Variants in IP6K1 observed in about 807,000 individuals in gnomAD.
IP6K1 encodes the protein ATP:1D-myo-inositol-hexakisphosphate phosphotransferase.
A neutral mutation model predicts 38.3 loss-of-function variants in IP6K1; 13 were observed. The ratio of observed to expected loss-of-function variants is 0.34; its 90% CI spans 0.22 to 0.54. The LOEUF (loss-of-function observed/expected upper bound fraction) is 0.54, where lower values mean the gene tolerates loss of function less well. Among genes scored for constraint, IP6K1 ranks in the 20% least tolerant of loss-of-function variants. The pLI, the probability that IP6K1 is intolerant of heterozygous loss-of-function variation, is 0.92. For missense variants in IP6K1, 397 were observed against 599.8 expected, an observed-to-expected ratio of 0.66 and a Z score of 3.53; for synonymous variants, 212 against 229.9, an observed-to-expected ratio of 0.92 and a Z score of 0.70.
At chr3:49,735,572 T>G (rs1261950574) in intron 3 of IP6K1, among the ~76,000 whole-genome samples, 1 of 152,202 alleles carries the variant, frequency 6.6e-6, no homozygotes, top group African/African-American at 2.4e-5. Flanking sequence ...AAAGAACGTT[T>G]GACATTTGAA....
At chr3:49,778,783 G>A (rs563877912) in intron 1 of IP6K1, among the ~76,000 whole-genome samples, 13 of 152,096 alleles carry the variant, frequency 8.5e-5, no homozygotes, top group African/African-American at 3.1e-4. Context: ...GCACCACCAC[G>A]CCTGGCTAAT....
rs200151093 is a variant in IP6K1, at chr3:49,733,020, C to T, written c.435-48G>A. Reference sequence around the variant, plus strand: ...TCACTAAGAAACTCAGGCAAGTCATCCTCTGGGGTCCCGCTGCACAGGGCA... The same window carrying T: ...TCACTAAGAAACTCAGGCAAGTCATTCTCTGGGGTCCCGCTGCACAGGGCA... On this transcript the variant is annotated intron_variant, in intron 3 of 5. Coordinates refer to ENST00000321599, the MANE Select transcript of IP6K1 (RefSeq NM_153273.4). 1.6e-4 allele frequency: 230 copies of T among 1,438,042 alleles called. 2 individuals carry two copies. The South Asian group carries it at 2.6e-3, about 16-fold the overall frequency. 89.1% of individuals were successfully genotyped at this position (1,438,042 alleles called of 1,614,324 possible). A position where few individuals can be genotyped will look rare whatever the true frequency, so the allele number is the denominator to read the frequency against.
chr3:49,780,441 G>T (rs2081055755), intron 1 of IP6K1, among the ~76,000 whole-genome samples: 1 of 151,968 alleles, frequency 6.6e-6, no homozygotes, highest in Non-Finnish European at 1.5e-5. Context: ...CACAGATCCA[G>T]AGCCACAAAG....
chr3:49,781,918 T>C (rs2081069040), intron 1 of IP6K1, among the ~76,000 whole-genome samples: 1 of 150,994 alleles, frequency 6.6e-6, no homozygotes, highest in Non-Finnish European at 1.5e-5. Flanking sequence ...ATCATGTCCA[T>C]TAAAAAAAAA....
chr3:49,761,443 T>A (rs1323381098), intron 1 of IP6K1, among the ~76,000 whole-genome samples: 1 of 151,798 alleles, frequency 6.6e-6, no homozygotes, highest in East Asian at 1.9e-4. Flanking sequence ...TGAAACCCCA[T>A]CTCTACTAAA....
chr3:49,728,482 A>G (rs1301305967), intron 4 of IP6K1: 1 of 560,340 alleles, frequency 1.8e-6, no homozygotes. Flanking sequence ...TACTTCAGCC[A>G]TTTTTAAGTG....
chr3:49,780,918 G>A (rs902309946), intron 1 of IP6K1, among the ~76,000 whole-genome samples: 1 of 151,948 alleles, frequency 6.6e-6, no homozygotes. Flanking sequence ...AATTACAAAA[G>A]GTGTTTCCAA....
rs561760872 is a variant in IP6K1, at chr3:49,748,413, C to T, written c.-128-245G>A. Among the ~76,000 whole-genome samples, 9 of 152,294 alleles carry T rather than the reference C, an allele frequency of 5.9e-5. No homozygotes were observed. The South Asian group carries it at 1.4e-3, about 25-fold the overall frequency. On this transcript the variant is annotated intron_variant, in intron 1 of 5. Transcript: ENST00000321599. The stretch of plus-strand genomic sequence containing the variant: ...TCTCTGCCTTTCCTAGTTCCCACCT[C>T]CCTTCTGAGTTATCTAAAGGATTTT...
chr3:49,775,732 G>A (rs1559715920), intron 1 of IP6K1: 2 of 371,472 alleles, frequency 5.4e-6, no homozygotes, highest in Non-Finnish European at 4.9e-6. Context: ...GTGCCTGCTA[G>A]TGTCCTGGCA....
At chr3:49,750,470 G>A (rs888889294) in intron 1 of IP6K1, among the ~76,000 whole-genome samples, 9 of 152,184 alleles carry the variant, frequency 5.9e-5, no homozygotes, top group African/African-American at 2.2e-4. Context: ...CGAGGCGGAC[G>A]GATCACCTGA....
rs988855723 is a variant in IP6K1 at position 49,747,691 on chromosome 3, A to C, written c.223+127T>G. 15 of 1,226,500 alleles carry C rather than the reference A, an allele frequency of 1.2e-5. No homozygotes were observed. In the African/African-American group the frequency reaches 2.3e-4, roughly 19 times the overall value. The allele number at this position is 1,226,500 out of a possible 1,614,324, so 76.0% of individuals were successfully genotyped here. On this transcript the variant is annotated intron_variant, in intron 2 of 5. Transcript: ENST00000321599. ...TTCAGCCTCTAATTTTATCTAACAA[A>C]GTGACTTCGTGCTTTGAGAAAAAAG...
intron 1 of IP6K1, among the ~76,000 whole-genome samples, chr3:49,759,681 AAAC>A (rs901678360): frequency 2.0e-4 from 30 of 152,228 alleles, no homozygotes; most frequent in Middle Eastern, 3.4e-3. Context: ...TAGGTGGACA[AAAC>A]AACAACAACA....
chr3:49,741,294 C>T (rs964530311), intron 2 of IP6K1, among the ~76,000 whole-genome samples: 5 of 152,218 alleles, frequency 3.3e-5, no homozygotes, highest in African/African-American at 1.2e-4. Flanking sequence ...GTTCCCATTT[C>T]TCCACATCCT....
At chr3:49,780,309 TACACACAC>T (rs71080553) in intron 1 of IP6K1, among the ~76,000 whole-genome samples, 4 of 117,542 alleles carry the variant, frequency 3.4e-5, no homozygotes, top group South Asian at 3.2e-4. Context: ...TCATCTTTCA[TACACACAC>T]ACACACACAC....
chr3:49,783,394 G>C (rs77941412), intron 1 of IP6K1, among the ~76,000 whole-genome samples: 1 of 150,892 alleles, frequency 6.6e-6, no homozygotes, highest in Non-Finnish European at 1.5e-5. Flanking sequence ...AAAAAAAAAA[G>C]CAGGGGCTTG....
At chr3:49,768,576 C>A (rs1006202092) in intron 1 of IP6K1, among the ~76,000 whole-genome samples, 2 of 152,102 alleles carry the variant, frequency 1.3e-5, no homozygotes. Context: ...TCGAGATCAA[C>A]CTGGCCAACA....
chr3:49,727,001 G>C lies in IP6K1; in HGVS notation c.*121C>G. 9.5e-7 allele frequency: 1 copy of C among 1,051,620 alleles called. No homozygotes were observed. Among genetic ancestry groups the C allele is most frequent in the Non-Finnish European group, 1.4e-6 (1 of 720,808 alleles). 65.1% of individuals were successfully genotyped at this position (1,051,620 alleles called of 1,614,324 possible). ...GCTACAGCTAAAAACATTTCTTTTA[G>C]TTTACACCAAAGAGAAATATAACCC... On this transcript the variant is annotated 3_prime_UTR_variant, in exon 6 of 6. Transcript: ENST00000321599. This position sits in a 1 kb window ranked among gnomAD's most constrained non-coding sequence, Gnocchi z 5.9.
intron 1 of IP6K1, among the ~76,000 whole-genome samples, chr3:49,754,023 A>C (rs1373074988): frequency 1.3e-5 from 2 of 152,182 alleles, no homozygotes; most frequent in East Asian, 3.8e-4. Context: ...TACAAAAGAG[A>C]TTAAAAAGGG....
rs2080511266 is a variant in IP6K1, at chr3:49,727,049, C to T, written c.*73G>A. The T allele has an allele frequency of 1.4e-6, 2 of 1,426,598 alleles. No homozygotes were observed. Among genetic ancestry groups the T allele is most frequent in the Non-Finnish European group, 1.9e-6 (2 of 1,053,168 alleles). The allele number at this position is 1,426,598 out of a possible 1,614,324, so 88.4% of individuals were successfully genotyped here. On this transcript the variant is annotated 3_prime_UTR_variant, in exon 6 of 6. Transcript: ENST00000321599. This position sits in a 1 kb window ranked among gnomAD's most constrained non-coding sequence, Gnocchi z 5.9. ...CCCTTTAAAAGCAAGTCTGTGTGTC[C>T]TCACGGCAAGTTCAGAACAATGGTC...
Sources: allele counts gnomAD v4.1 joint callset (sites outside exome capture counted in the v4.1 genomes callset), GRCh38; gene constraint gnomAD v4.1.1; non-coding constraint Gnocchi (gnomAD v3.1); transcripts MANE v1.5; gene names NCBI Gene and HGNC (gene_info 2026-07-23, HGNC 2026-07-21).